UNC13C: variants seen among roughly 807,000 people sequenced by gnomAD.
UNC13C encodes the protein unc-13 homolog C.
Under a neutral mutation model 245.4 loss-of-function variants are expected in UNC13C, and 174 were observed. That is an observed-to-expected ratio of 0.71 (90% confidence interval 0.63 to 0.80). The LOEUF (loss-of-function observed/expected upper bound fraction) is 0.80. UNC13C is among the 30% of genes least tolerant of loss of function. UNC13C has a pLI of 0.00. For missense variants in UNC13C, 2,829 were observed against 2,602.9 expected (o/e 1.09, Z -1.89); for synonymous variants, 992 against 895.1 (o/e 1.11, Z -1.93).
At chr15:54,157,219 A>C (rs2032786703) in intron 4 of UNC13C, among the ~76,000 whole-genome samples, 2 of 152,208 alleles carry the variant, frequency 1.3e-5, no homozygotes, top group Admixed American at 6.5e-5. Context: ...TGAGGAAAAG[A>C]CACATGATAA....
At chr15:53,999,823 A>C (rs1894802989) in intron 1 of UNC13C, among the ~76,000 whole-genome samples, 1 of 152,026 alleles carries the variant, frequency 6.6e-6, no homozygotes, top group Admixed American at 6.6e-5. Context: ...TTTAACTTTA[A>C]AAGATAGCTG....
intron 2 of UNC13C, among the ~76,000 whole-genome samples, chr15:54,069,755 A>G (rs1566989386): frequency 6.6e-6 from 1 of 152,218 alleles, no homozygotes; most frequent in African/African-American, 2.4e-5. Context: ...GCCTTGAACT[A>G]TGGTGAAGTA....
At chr15:54,441,858 C>T (rs1567274624) in intron 19 of UNC13C, among the ~76,000 whole-genome samples, 1 of 151,952 alleles carries the variant, frequency 6.6e-6, no homozygotes, top group African/African-American at 2.4e-5. Flanking sequence ...TTTTCATTTG[C>T]TTTCATCAGT....
chr15:54,552,658 A>ATG (rs535069299), intron 28 of UNC13C, among the ~76,000 whole-genome samples: 832 of 72,158 alleles, frequency 0.012, 58 homozygotes, highest in African/African-American at 0.051. Flanking sequence ...ATATAATTAT[A>ATG]TTATATTGTA....
intron 4 of UNC13C, among the ~76,000 whole-genome samples, chr15:54,214,934 T>C (rs543755123): frequency 6.6e-6 from 1 of 151,926 alleles, no homozygotes; most frequent in Admixed American, 6.6e-5. Context: ...TGAATTTTAA[T>C]TAAAGGGATT....
rs753095619 is a variant in UNC13C at position 54,016,304 on chromosome 15, TA to T, written c.2983+427del. On this transcript the variant is annotated intron_variant, in intron 2 of 32. Coordinates refer to ENST00000260323, the MANE Select transcript of UNC13C (RefSeq NM_001080534.3). ...AGGGATGGAGAAAAAGGTGTAATCT[TA>T]AAAAAAAATGTGAAAAGATGGACTC... Among the ~76,000 whole-genome samples, 234 of 151,644 alleles carry T rather than the reference TA, an allele frequency of 1.5e-3. 2 individuals carry two copies. Among genetic ancestry groups the T allele is most frequent in the African/African-American group, 5.3e-3 (221 of 41,334 alleles).
At chr15:54,038,622 C>G (rs954615071) in intron 2 of UNC13C, among the ~76,000 whole-genome samples, 4 of 152,080 alleles carry the variant, frequency 2.6e-5, no homozygotes, top group Admixed American at 6.6e-5. Flanking sequence ...TAAACAGAAT[C>G]TTTCCAAGTG....
At chr15:54,043,864 A>G (rs28681565) in intron 2 of UNC13C, among the ~76,000 whole-genome samples, 78,225 of 152,144 alleles carry the variant, frequency 0.51, 21,389 homozygotes, top group East Asian at 0.75. Flanking sequence ...TGGGCCTTGT[A>G]TCACTCACAG....
chr15:54,451,610 T>G (rs1403186433), intron 19 of UNC13C, among the ~76,000 whole-genome samples: 1 of 152,148 alleles, frequency 6.6e-6, no homozygotes, highest in Non-Finnish European at 1.5e-5. Context: ...GATATTTTGG[T>G]TATTTTATAT....
chr15:53,998,462 G>A (rs953943015), intron 1 of UNC13C, among the ~76,000 whole-genome samples: 8 of 151,908 alleles, frequency 5.3e-5, no homozygotes, highest in African/African-American at 1.7e-4. Context: ...TATCTATACT[G>A]AGCTTATGTT....
chr15:53,945,315 G>T, the UNC13C span, among the ~76,000 whole-genome samples: 3 of 152,182 alleles, frequency 2.0e-5, no homozygotes, highest in South Asian at 6.2e-4. Context: ...TGGAATCTTT[G>T]CCAGTTCCTA....
chr15:54,388,446 T>C (rs75902433), intron 17 of UNC13C, among the ~76,000 whole-genome samples: 10,352 of 152,204 alleles, frequency 0.068, 392 homozygotes, highest in East Asian at 0.12. Context: ...CTCGAGGCTG[T>C]CTCTCATTCC....
chr15:54,146,224 A>G (rs757395304), intron 4 of UNC13C, among the ~76,000 whole-genome samples: 10 of 152,318 alleles, frequency 6.6e-5, no homozygotes, highest in Non-Finnish European at 1.5e-4. Flanking sequence ...ATTATCCTAA[A>G]AAACTATGAC....
intron 2 of UNC13C, among the ~76,000 whole-genome samples, chr15:54,039,476 G>A (rs1327033247): frequency 3.3e-5 from 5 of 152,108 alleles, no homozygotes; most frequent in African/African-American, 1.2e-4. Flanking sequence ...GCTAATGAAA[G>A]TAAGGAAAAA....
At chr15:54,405,610 A>T (rs1362317071) in intron 18 of UNC13C, among the ~76,000 whole-genome samples, 1 of 152,184 alleles carries the variant, frequency 6.6e-6, no homozygotes, top group Non-Finnish European at 1.5e-5. Flanking sequence ...AAACACTATT[A>T]TGGAAATATT....
chr15:54,109,880 T>G, intron 2 of UNC13C, among the ~76,000 whole-genome samples: 1 of 152,212 alleles, frequency 6.6e-6, no homozygotes, highest in East Asian at 1.9e-4. Context: ...TCCATGAAAC[T>G]CACTCTGCTT....
rs969767232 is a variant in UNC13C at position 53,995,895 on chromosome 15, G to C, written c.-256-16753G>C. On this transcript the variant is annotated intron_variant, in intron 1 of 32. Transcript: ENST00000260323. The stretch of plus-strand genomic sequence containing the variant: ...AAGGACTCGTGGAGAAGTAGAGAGA[G>C]AGAGGTTTCCATGATGCTTTTCAAG... Among the ~76,000 whole-genome samples, 4 of 152,148 alleles carry C rather than the reference G, an allele frequency of 2.6e-5. No individual in the cohort carries two copies. In the East Asian group the frequency reaches 7.7e-4, roughly 29 times the overall value.
chr15:54,588,508 T>A (rs1043859392), intron 30 of UNC13C, among the ~76,000 whole-genome samples: 6 of 152,138 alleles, frequency 3.9e-5, no homozygotes, highest in African/African-American at 1.4e-4. Context: ...AGTAAATTCT[T>A]TTTTTTCCAT....
chr15:54,348,565 C>T (rs994087677), intron 17 of UNC13C, among the ~76,000 whole-genome samples: 1 of 152,168 alleles, frequency 6.6e-6, no homozygotes, highest in Non-Finnish European at 1.5e-5. Context: ...ACGTTATCCT[C>T]TGAAAATTCT....
Sources: gnomAD v4.1 joint callset for allele counts (sites outside exome capture counted in the v4.1 genomes callset) on GRCh38, gnomAD v4.1.1 for gene constraint, MANE v1.5 for transcripts, NCBI Gene and HGNC (gene_info 2026-07-23, HGNC 2026-07-21) for gene names.